Variants in IFT56 observed in about 807,000 individuals in gnomAD.
IFT56 encodes the protein intraflagellar transport 56.
the IFT56 span, chr7:139,133,896 T>A: frequency 6.2e-7 from 1 of 1,613,920 alleles, no homozygotes; most frequent in African/African-American, 1.3e-5. Flanking sequence ...GTACTTTGAG[T>A]AGGTCCTGAG....
the IFT56 span, among the ~76,000 whole-genome samples, chr7:139,146,492 G>C: frequency 2.0e-5 from 3 of 152,198 alleles, no homozygotes; most frequent in Non-Finnish European, 2.9e-5. Context: ...GATTGGCTGG[G>C]CACAGTGGTT....
the IFT56 span, among the ~76,000 whole-genome samples, chr7:139,174,986 A>C: frequency 1.3e-5 from 2 of 151,952 alleles, no homozygotes. Flanking sequence ...ACACCATCAC[A>C]CTACAGTCTG....
chr7:139,148,337 C>A, the IFT56 span: 1 of 1,613,508 alleles, frequency 6.2e-7, no homozygotes, highest in Non-Finnish European at 8.5e-7. Flanking sequence ...AATCTTAAAG[C>A]CTGTAACCAT....
chr7:139,163,198 C>T, the IFT56 span, among the ~76,000 whole-genome samples: 47 of 151,090 alleles, frequency 3.1e-4, no homozygotes, highest in Middle Eastern at 3.5e-3. Context: ...AAAAATTAGC[C>T]GGGTGTTATG....
the IFT56 span, chr7:139,178,255 C>T: frequency 1.2e-6 from 2 of 1,613,930 alleles, no homozygotes; most frequent in African/African-American, 1.3e-5. Context: ...CTGTTTCTTC[C>T]TGCTTAAGCA....
chr7:139,171,328 A>G, the IFT56 span, among the ~76,000 whole-genome samples: 1 of 152,202 alleles, frequency 6.6e-6, no homozygotes, highest in Non-Finnish European at 1.5e-5. Flanking sequence ...TCTTCATAAA[A>G]ATAGAAAAAA....
At chr7:139,134,814 T>G in the IFT56 span, 2 of 1,608,990 alleles carry the variant, frequency 1.2e-6, no homozygotes, top group Non-Finnish European at 1.7e-6. Flanking sequence ...AGAACGTTGC[T>G]TCTTAGTGTA....
chr7:139,172,303 G>A, the IFT56 span, among the ~76,000 whole-genome samples: 2 of 152,174 alleles, frequency 1.3e-5, no homozygotes, highest in African/African-American at 4.8e-5. Context: ...AGTAGCAAGT[G>A]TTGTGTCAGA....
At chr7:139,174,998 A>G in the IFT56 span, among the ~76,000 whole-genome samples, 21 of 151,592 alleles carry the variant, frequency 1.4e-4, no homozygotes, top group Non-Finnish European at 2.5e-4. Context: ...TACAGTCTGG[A>G]CAACAAGATT....
At chr7:139,154,436 T>G in the IFT56 span, among the ~76,000 whole-genome samples, 1 of 152,188 alleles carries the variant, frequency 6.6e-6, no homozygotes, top group South Asian at 2.1e-4. Context: ...TCATGAAGAT[T>G]TTCCCCTGTG....
the IFT56 span, among the ~76,000 whole-genome samples, chr7:139,166,445 T>C: frequency 6.6e-6 from 1 of 152,070 alleles, no homozygotes; most frequent in African/African-American, 2.4e-5. Context: ...TCTTTTTTCA[T>C]CACCTCTTTT....
the IFT56 span, among the ~76,000 whole-genome samples, chr7:139,184,382 C>T: frequency 6.6e-6 from 1 of 152,198 alleles, no homozygotes; most frequent in Non-Finnish European, 1.5e-5. Flanking sequence ...GCTATTGGAA[C>T]ACACAGTAAC....
At chr7:139,137,441 C>T in the IFT56 span, among the ~76,000 whole-genome samples, 2 of 152,286 alleles carry the variant, frequency 1.3e-5, no homozygotes, top group East Asian at 1.9e-4. Flanking sequence ...GGTGACAACA[C>T]GGGCTTTGGA....
the IFT56 span, among the ~76,000 whole-genome samples, chr7:139,159,573 T>C: frequency 6.6e-6 from 1 of 152,222 alleles, no homozygotes; most frequent in Admixed American, 6.5e-5. Flanking sequence ...GGTATTGGGC[T>C]TTCTTTTTTG....
chr7:139,157,964 G>C, the IFT56 span, among the ~76,000 whole-genome samples: 259 of 152,176 alleles, frequency 1.7e-3, 2 homozygotes, highest in Non-Finnish European at 2.5e-3. Flanking sequence ...AGGGACAGTG[G>C]GGGGTGTGGT....
chr7:139,148,320 C>A, the IFT56 span: 3 of 1,614,010 alleles, frequency 1.9e-6, no homozygotes, highest in African/African-American at 4.0e-5. Context: ...ATAGTACCAT[C>A]GCACTCAATC....
At chr7:139,168,556 T>C in the IFT56 span, 1 of 622,540 alleles carries the variant, frequency 1.6e-6, no homozygotes, top group African/African-American at 2.0e-5. Context: ...AAGAATGTTA[T>C]GTTATTTAGA....
chr7:139,134,831 C>G, the IFT56 span: 1 of 1,598,370 alleles, frequency 6.3e-7, no homozygotes, highest in Non-Finnish European at 8.5e-7. Flanking sequence ...TGTATGAATA[C>G]CAGACTGTAG....
At chr7:139,166,536 CT>C in the IFT56 span, among the ~76,000 whole-genome samples, 1 of 147,856 alleles carries the variant, frequency 6.8e-6, no homozygotes, top group Non-Finnish European at 1.5e-5. Flanking sequence ...ATATATGTAT[CT>C]CTTTTTTAAA....
Sources: allele counts gnomAD v4.1 joint callset (sites outside exome capture counted in the v4.1 genomes callset), GRCh38; gene constraint gnomAD v4.1.1; transcripts MANE v1.5; gene names NCBI Gene and HGNC (gene_info 2026-07-23, HGNC 2026-07-21).